The following OLFML3 variants were observed in gnomAD, a reference collection of about 807,000 sequenced individuals.
The protein encoded by OLFML3 is olfactomedin like 3, also known as olfactomedin-like protein 3.
In OLFML3, 26 loss-of-function variants were observed where a neutral mutation model predicts 36.0. The ratio of observed to expected loss-of-function variants is 0.72; its 90% CI spans 0.53 to 1.00. OLFML3 has a LOEUF of 1.00. OLFML3 is among the 50% of genes least tolerant of loss of function. The pLI, the probability that OLFML3 is intolerant of heterozygous loss-of-function variation, is 0.00. For synonymous variants in OLFML3, 184 were observed against 201.2 expected, an observed-to-expected ratio of 0.91 and a Z score of 0.72; for missense variants, 503 against 519.4, an observed-to-expected ratio of 0.97 and a Z score of 0.31.
chr1:113,980,652 C>T, intron 2 of OLFML3, 35 bp downstream of exon 2: 1 of 1,521,650 alleles, frequency 6.6e-7, no homozygotes, highest in South Asian at 1.3e-5. Context: ...TAACTCTTCT[C>T]AGAACCGATA....
intron 1 of OLFML3, 124 bp downstream of exon 1, chr1:113,979,754 C>G (rs2101554074): frequency 1.2e-6 from 1 of 849,500 alleles, no homozygotes; most frequent in East Asian, 2.7e-5. Flanking sequence ...AAAATTCTCT[C>G]TTAATAAGAG....
rs867280778 is a variant in OLFML3 at position 113,980,770 on chromosome 1, A to G, written c.400+153A>G. The G allele has an allele frequency of 1.4e-5, 15 of 1,053,998 alleles. 1 individual carries two copies. The South Asian group carries it at 2.7e-4, about 19-fold the overall frequency. 65.3% of individuals were successfully genotyped at this position (1,053,998 alleles called of 1,614,324 possible). The stretch of plus-strand genomic sequence containing the variant: ...AACCTCTGTAATGCCAGGTCTATTA[A>G]GGAGAGGTTCTGGGGATCCAGGCCG... On this transcript the variant is annotated intron_variant, in intron 2 of 2. Transcript: ENST00000320334.
In OLFML3 at chr1:113,979,540, C is replaced by T; in HGVS notation, c.24C>T (p.Leu8=). Residue 8 remains leucine, a synonymous_variant, in exon 1 of 3, where the codon CTC becomes CTT. Coordinates refer to ENST00000320334, the MANE Select transcript of OLFML3 (RefSeq NM_020190.5). ...CCATGGGGCCCAGCACCCCTCTCCT[C>T]ATCTTGTTCCTTTTGTCATGGTCGG... The part of the protein sequence containing the change: MGPSTPL[L]ILFLLSWSGP... The T allele has an allele frequency of 1.2e-6, 2 of 1,614,082 alleles. No homozygotes were observed. The highest frequency in any genetic ancestry group is 1.7e-6 in the Non-Finnish European group (2 of 1,179,960).
Position 113,981,777 on chromosome 1 carries a change from G to A in OLFML3, c.*8G>A. The A allele has an allele frequency of 6.2e-7, 1 of 1,608,042 alleles. No individual in the cohort carries two copies. Among genetic ancestry groups the A allele is most frequent in the Non-Finnish European group, 8.5e-7 (1 of 1,176,984 alleles). ...AAAGAGGAGGAGGTTTGAGGAGCTA[G>A]CCTTGTTTTTTGCATCTTTCTCACT... is the stretch of plus-strand genomic sequence containing the variant. On this transcript the variant is annotated 3_prime_UTR_variant, in exon 3 of 3. Coordinates refer to ENST00000320334, the MANE Select transcript of OLFML3 (RefSeq NM_020190.5).
chr1:113,981,785 T>G lies in OLFML3; in HGVS notation c.*16T>G. 6.3e-7 allele frequency: 1 copy of G among 1,598,766 alleles called. No individual in the cohort carries two copies. Among genetic ancestry groups the G allele is most frequent in the Non-Finnish European group, 8.5e-7 (1 of 1,170,748 alleles). ...GGAGGTTTGAGGAGCTAGCCTTGTT[T>G]TTTGCATCTTTCTCACTCCCATACA... On this transcript the variant is annotated 3_prime_UTR_variant, in exon 3 of 3. Transcript: ENST00000320334.
intron 2 of OLFML3, 139 bp from the exon 3 acceptor site, chr1:113,980,810 C>T: frequency 2.0e-6 from 2 of 1,005,330 alleles, no homozygotes; most frequent in East Asian, 2.7e-5. Flanking sequence ...GGTACCCGCT[C>T]TTTCTCAATT....
Position 113,981,420 on chromosome 1 carries a change from A to G in OLFML3, c.872A>G (p.Glu291Gly), listed in dbSNP as rs1178273692. 1 of 1,612,908 alleles carries G rather than the reference A, an allele frequency of 6.2e-7. No homozygotes were observed. Among genetic ancestry groups the G allele is most frequent in the Admixed American group, 1.7e-5 (1 of 59,954 alleles). The change falls in exon 3 of 3, where the codon GAG becomes GGG. Residue 291 changes from glutamate to glycine, a missense_variant. Coordinates refer to ENST00000320334, the MANE Select transcript of OLFML3 (RefSeq NM_020190.5). ...EGLWAVYATR[E>G]DDRHLCLAKL... ...CTTTGGGCTGTCTATGCCACCCGGG[A>G]GGATGACAGGCACTTGTGTCTGGCC...
At chr1:113,979,869 G>A in intron 1 of OLFML3, 2 of 1,241,106 alleles carry the variant, frequency 1.6e-6, no homozygotes, top group South Asian at 1.7e-5. Flanking sequence ...AGGGGGCAGA[G>A]TGGAAACGAG....
intron 1 of OLFML3, 81 bp downstream of exon 1, chr1:113,979,711 G>T (rs913835995): frequency 2.7e-6 from 3 of 1,100,156 alleles, no homozygotes; most frequent in Admixed American, 1.9e-5. Flanking sequence ...GGGATCTGGG[G>T]ATAACAAGAA....
rs760854885 is a variant in OLFML3, at chr1:113,981,020, T to C, written c.472T>C (p.Trp158Arg). ...LKRFGGPAGL[W>R]TKDPLGQTEK... ...GCGATTTGGTGGCCCAGCTGGTCTA[T>C]GGACCAAGGATCCACTGGGGCAAAC... Residue 158 changes from tryptophan (W) to arginine (R), a missense_variant, in exon 3 of 3, where the codon TGG becomes CGG. Physicochemically the swap from Trp to Arg is moderately radical, Grantham distance 101 (BLOSUM62 -3). Coordinates refer to ENST00000320334, the MANE Select transcript of OLFML3 (RefSeq NM_020190.5). The C allele has an allele frequency of 1.6e-5, 26 of 1,578,890 alleles. No individual in the cohort carries two copies. The highest frequency in any genetic ancestry group is 2.0e-5 in the Non-Finnish European group (23 of 1,161,848).
At chr1:113,980,070 C>T (rs773693967) in intron 1 of OLFML3, 46 of 1,549,756 alleles carry the variant, frequency 3.0e-5, no homozygotes, top group Non-Finnish European at 3.8e-5. Context: ...CCTAGAGGCT[C>T]AGATGGCTCA....
In OLFML3 at chr1:113,980,397, C is replaced by G. The variant is rs1485276889; in HGVS notation, c.180C>G (p.Asn60Lys). 4 of 1,607,252 alleles carry G rather than the reference C, an allele frequency of 2.5e-6. No homozygotes were observed. Among genetic ancestry groups the G allele is most frequent in the Non-Finnish European group, 3.4e-6 (4 of 1,176,574 alleles). Residue 60 changes from asparagine (N) to lysine (K), a missense_variant, in exon 2 of 3, where the codon AAC becomes AAG. Asn to Lys is a moderately conservative substitution (Grantham distance 94, BLOSUM62 0). Transcript: ENST00000320334. ...RHAAELRDFK[N>K]KMLPLLEVAE... ...CTGCTGAGCTGCGGGACTTCAAGAA[C>G]AAGATGCTGCCACTGCTGGAGGTGG...
In OLFML3 at chr1:113,979,904, C is replaced by G. The variant is rs1190969804; in HGVS notation, c.114+274C>G. ...GAGCCAAAATTGTGGGGCTGCATCT[C>G]CAGAGAAGGTGATGATTCTGTTGAA... On this transcript the variant is annotated intron_variant, in intron 1 of 2. Transcript: ENST00000320334. 1.6e-5 allele frequency: 23 copies of G among 1,407,370 alleles called. 1 individual carries two copies. In the South Asian group the frequency reaches 2.3e-4, roughly 14 times the overall value. 87.2% of individuals were successfully genotyped at this position (1,407,370 alleles called of 1,614,324 possible).
At position 113,979,482 on chromosome 1, in the gene OLFML3, G is replaced by A. The variant is rs1673319274; in HGVS notation, c.-35G>A. On this transcript the variant is annotated 5_prime_UTR_variant, in exon 1 of 3. Coordinates refer to ENST00000320334, the MANE Select transcript of OLFML3 (RefSeq NM_020190.5). The stretch of plus-strand genomic sequence containing the variant: ...CTTGAGGGGAAGAGGCTGACTGTAC[G>A]TTCCTTCTACTCTGGCACCACTCTC... The A allele has an allele frequency of 6.8e-7, 1 of 1,475,984 alleles. No individual in the cohort carries two copies. Among genetic ancestry groups the A allele is most frequent in the Admixed American group, 1.7e-5 (1 of 59,808 alleles). 91.4% of individuals were successfully genotyped at this position (1,475,984 alleles called of 1,614,324 possible).
Position 113,979,613 on chromosome 1 carries a change from C to T in OLFML3, c.97C>T (p.Arg33Ter), listed in dbSNP as rs757670599. The change falls in exon 1 of 3, where the codon CGA (arginine) becomes TGA (stop). Residue 33 changes from arginine (R) to a stop codon, truncating the protein, a stop_gained. Transcript: ENST00000320334. LOFTEE classifies it high-confidence loss of function. ...CCACCTTGTGGAGTACATGGAACGCCGACTAGCTGCTTTAGAGGTGAGGGA... is the reference window on the plus strand; with the variant it reads ...CCACCTTGTGGAGTACATGGAACGCTGACTAGCTGCTTTAGAGGTGAGGGA... Reference protein sequence around the residue: ...QHHLVEYMERRLAALEERLAQ... With the variant: ...QHHLVEYMER 8 of 1,612,614 alleles carry T rather than the reference C, an allele frequency of 5.0e-6. No individual in the cohort carries two copies. The East Asian group carries it at 6.7e-5, about 13-fold the overall frequency.
At chr1:113,980,059 G>A (rs773135622) in intron 1 of OLFML3, 3 of 1,549,086 alleles carry the variant, frequency 1.9e-6, no homozygotes, top group Non-Finnish European at 2.6e-6. Context: ...GCTTAGACCT[G>A]CCTAGAGGCT....
At chr1:113,979,832 G>C (rs1040295987) in intron 1 of OLFML3, 1 of 1,032,404 alleles carries the variant, frequency 9.7e-7, no homozygotes, top group East Asian at 2.6e-5. Context: ...CGACTTTTGC[G>C]TTTTACCTCT....
chr1:113,980,683 ACT>A (rs1673380489), intron 2 of OLFML3, 66 bp downstream of exon 2: 4 of 1,470,564 alleles, frequency 2.7e-6, no homozygotes, highest in South Asian at 2.9e-5. Flanking sequence ...CTTGCTTCTT[ACT>A]CTTTTTTTCG....
chr1:113,979,901 T>C (rs1393717779), intron 1 of OLFML3: 8 of 1,399,636 alleles, frequency 5.7e-6, no homozygotes, highest in Non-Finnish European at 7.5e-6. Flanking sequence ...TGGGGCTGCA[T>C]CTCCAGAGAA....
Sources: gnomAD v4.1 joint callset for allele counts on GRCh38, gnomAD v4.1.1 for gene constraint, MANE v1.5 for transcripts, NCBI Gene and HGNC (gene_info 2026-07-23, HGNC 2026-07-21) for gene names.